CEP350: variants seen among roughly 807,000 people sequenced by gnomAD.
CEP350 encodes centrosome-associated protein 350.
CEP350 carries 126 observed loss-of-function variants against 331.8 expected under a neutral mutation model. The observed-to-expected ratio is 0.38, with a 90% CI of 0.33 to 0.44. The LOEUF is 0.44. Among genes scored for constraint, CEP350 ranks in the 20% least tolerant of loss-of-function variants. The pLI is 1.00. For synonymous variants in CEP350, 1,200 were observed against 1,259.5 expected (o/e 0.95, Z 1.00); for missense variants, 3,406 against 3,634.6 (o/e 0.94, Z 1.62).
intron 1 of CEP350, among the ~76,000 whole-genome samples, chr1:179,971,838 A>AT (rs1212193883): frequency 1.3e-5 from 2 of 152,214 alleles, no homozygotes; most frequent in Non-Finnish European, 2.9e-5. Flanking sequence ...GAGAATGAGA[A>AT]TAAAAAAAGA....
At chr1:180,013,234 G>A (rs1347634498) in intron 9 of CEP350, among the ~76,000 whole-genome samples, 1 of 152,006 alleles carries the variant, frequency 6.6e-6, no homozygotes, top group African/African-American at 2.4e-5. Context: ...TATATCAACA[G>A]GAAATATAAA....
In CEP350 at chr1:180,041,169, C is replaced by T; in HGVS notation, c.4142C>T (p.Ala1381Val). ...AQQQRHERDL[A>V]LLKLKAEQEA... is the part of the protein sequence containing the mutation. ...CAGCAACGCCATGAAAGAGACTTGG[C>T]CCTCTTGAAACTAAAGGCTGAACAA... is the stretch of plus-strand genomic sequence containing the variant. Residue 1381 changes from alanine to valine, a missense_variant, in exon 18 of 38, where the codon GCC becomes GTC. By Grantham distance (64) the Ala-to-Val change is moderately conservative. Transcript: ENST00000367607. 6.3e-7 allele frequency: 1 copy of T among 1,596,810 alleles called. No homozygotes were observed. Among genetic ancestry groups the T allele is most frequent in the Non-Finnish European group, 8.5e-7 (1 of 1,171,630 alleles).
intron 36 of CEP350, among the ~76,000 whole-genome samples, chr1:180,098,015 G>C (rs972055263): frequency 6.6e-6 from 1 of 152,130 alleles, no homozygotes; most frequent in Non-Finnish European, 1.5e-5. Flanking sequence ...TTGTTGCCCA[G>C]GCTGGAGTAC....
chr1:180,094,600 A>C lies in CEP350; in HGVS notation c.8495A>C (p.Asp2832Ala). The C allele has an allele frequency of 2.5e-6, 4 of 1,613,516 alleles. No individual in the cohort carries two copies. Among genetic ancestry groups the C allele is most frequent in the Non-Finnish European group, 3.4e-6 (4 of 1,179,716 alleles). The change falls in exon 34 of 38, where the codon GAT (aspartate) becomes GCT (alanine). Residue 2832 changes from aspartate (D) to alanine (A), a missense_variant. Around this residue, in one of 5 missense-constraint regions of CEP350, gnomAD observed 1,415 missense variants for 1,512.3 expected, o/e 0.94. Transcript: ENST00000367607. ...EDEKEEISSP[D>A]MCPRPESPVF... ...GAAAAAGAAGAGATTTCCTCTCCAGATATGTGTCCCAGACCGGTGAGTATT... is the reference window on the plus strand; with the variant it reads ...GAAAAAGAAGAGATTTCCTCTCCAGCTATGTGTCCCAGACCGGTGAGTATT...
intron 14 of CEP350, among the ~76,000 whole-genome samples, chr1:180,029,907 G>A (rs1244378747): frequency 6.6e-6 from 1 of 152,010 alleles, no homozygotes; most frequent in Non-Finnish European, 1.5e-5. Context: ...TCATGTAAGT[G>A]GAATCATATT....
At chr1:180,052,195 C>G (rs1287292218) in intron 22 of CEP350, 4 of 453,762 alleles carry the variant, frequency 8.8e-6, no homozygotes, top group Non-Finnish European at 1.8e-5. Flanking sequence ...CTAGTGCCTA[C>G]AAATTCTTTC....
chr1:180,020,281 C>T lies in CEP350; in HGVS notation c.2507C>T (p.Ser836Phe), dbSNP rs1238293711. 4 of 1,613,854 alleles carry T rather than the reference C, an allele frequency of 2.5e-6. No individual in the cohort carries two copies. The highest frequency in any genetic ancestry group is 3.4e-6 in the Non-Finnish European group (4 of 1,179,898). The change falls in exon 12 of 38, where the codon TCC becomes TTC. Residue 836 changes from serine to phenylalanine, a missense_variant. Transcript: ENST00000367607. ...EALKATAASL[S>F]SRIESEAKKL... ...TTGAAAGCAACAGCTGCTTCTTTGT[C>T]CAGCAGAATTGAAAGTGAAGCCAAG... is the stretch of plus-strand genomic sequence containing the variant.
At chr1:180,028,772 C>T (rs908627785) in intron 14 of CEP350, among the ~76,000 whole-genome samples, 13 of 151,950 alleles carry the variant, frequency 8.6e-5, no homozygotes, top group African/African-American at 3.1e-4. Context: ...CTACTGCACT[C>T]CAGCCTGGGC....
intron 31 of CEP350, chr1:180,085,859 C>T (rs1039255221): frequency 2.0e-5 from 3 of 152,174 alleles, no homozygotes; most frequent in Non-Finnish European, 4.4e-5. Flanking sequence ...ATCAAATATT[C>T]AAATGCCTAT....
chr1:180,072,197 T>C (rs983825229), intron 27 of CEP350, among the ~76,000 whole-genome samples: 1 of 152,236 alleles, frequency 6.6e-6, no homozygotes, highest in African/African-American at 2.4e-5. Context: ...CTTTTCTTAC[T>C]CTGTTTTTTA....
chr1:180,051,236 C>T (rs140620038), intron 22 of CEP350, among the ~76,000 whole-genome samples: 3 of 152,278 alleles, frequency 2.0e-5, no homozygotes, highest in East Asian at 1.9e-4. Flanking sequence ...GCAACATGAA[C>T]GAATTTTACA....
At chr1:179,997,206 C>T (rs1653512926) in intron 6 of CEP350, 31 bp downstream of exon 6, 1 of 1,575,548 alleles carries the variant, frequency 6.3e-7, no homozygotes, top group African/African-American at 1.4e-5. Context: ...TCTTCCTCTC[C>T]CTGCTTCTTT....
At chr1:180,002,812 C>G (rs900205025) in intron 6 of CEP350, among the ~76,000 whole-genome samples, 10 of 152,104 alleles carry the variant, frequency 6.6e-5, no homozygotes, top group Admixed American at 3.3e-4. Context: ...ACCTTGAAAA[C>G]ATTATGCAAA....
intron 10 of CEP350, 139 bp from the exon 11 acceptor site, chr1:180,015,710 A>C (rs1654930007): frequency 9.6e-7 from 1 of 1,039,018 alleles, no homozygotes; most frequent in African/African-American, 1.6e-5. Flanking sequence ...ATAAATTTTA[A>C]TTGGTTTTGT....
rs1306051146 is a variant in CEP350 at position 179,990,628 on chromosome 1, A to G, written c.235+7A>G. The G allele has an allele frequency of 2.1e-6, 3 of 1,452,888 alleles. No individual in the cohort carries two copies. Among genetic ancestry groups the G allele is most frequent in the Non-Finnish European group, 2.8e-6 (3 of 1,052,948 alleles). 90.0% of individuals were successfully genotyped at this position (1,452,888 alleles called of 1,614,324 possible). A position where few individuals can be genotyped will look rare whatever the true frequency, so the allele number is the denominator to read the frequency against. On this transcript the variant is annotated splice_region_variant and intron_variant, in intron 4 of 37. Coordinates refer to ENST00000367607, the MANE Select transcript of CEP350 (RefSeq NM_014810.5). ...CGAAAAATAAGTAGAAAAGGTATGT[A>G]TGAAGTTACTTCCAAATATATACAT...
intron 16 of CEP350, 129 bp from the exon 17 acceptor site, chr1:180,036,797 C>A: frequency 1.1e-6 from 1 of 948,686 alleles, no homozygotes; most frequent in Non-Finnish European, 1.5e-6. Flanking sequence ...CCAAGGTATT[C>A]TGTACTGAGT....
At chr1:179,975,151 T>G (rs575392940) in intron 1 of CEP350, among the ~76,000 whole-genome samples, 3 of 152,220 alleles carry the variant, frequency 2.0e-5, no homozygotes, top group South Asian at 4.1e-4. Flanking sequence ...CAGATAAAAT[T>G]TAGGAAAAGA....
chr1:179,976,986 T>C (rs1299998029), intron 1 of CEP350, among the ~76,000 whole-genome samples: 2 of 152,194 alleles, frequency 1.3e-5, no homozygotes, highest in African/African-American at 4.8e-5. Context: ...GGGGCCACTT[T>C]TATTTGTTTT....
At chr1:179,991,707 G>GTGTGTGTGTGTA (rs1385981536) in intron 4 of CEP350, among the ~76,000 whole-genome samples, 2,726 of 96,668 alleles carry the variant, frequency 0.028, 65 homozygotes, top group East Asian at 0.064. Flanking sequence ...GTGTGTGTGT[G>GTGTGTGTGTGTA]TATATATATA....
Sources: gnomAD v4.1 joint callset for allele counts (sites outside exome capture counted in the v4.1 genomes callset) on GRCh38, gnomAD v4.1.1 for gene constraint, gnomAD v4.1.1 regional missense constraint, MANE v1.5 for transcripts, NCBI Gene and HGNC (gene_info 2026-07-23, HGNC 2026-07-21) for gene names.